The following PPARGC1A variants were observed in gnomAD, a reference collection of about 807,000 sequenced individuals.
PPARGC1A encodes peroxisome proliferator-activated receptor gamma coactivator 1-alpha.
Under a neutral mutation model 88.7 loss-of-function variants are expected in PPARGC1A, and 25 were observed. That is an observed-to-expected ratio of 0.28 (90% CI 0.21 to 0.39). The LOEUF (loss-of-function observed/expected upper bound fraction) is 0.39. Among genes scored for constraint, PPARGC1A ranks in the 10% least tolerant of loss-of-function variants. The probability of loss-of-function intolerance (pLI) is 1.00; values close to 1 mark genes in which losing one functional copy is unlikely to be tolerated. For missense variants in PPARGC1A, 880 were observed against 968.7 expected (o/e 0.91, Z 1.22); for synonymous variants, 363 against 355.6 (o/e 1.02, Z -0.24).
At chr4:24,157,037 C>T in the PPARGC1A span, among the ~76,000 whole-genome samples, 7 of 152,176 alleles carry the variant, frequency 4.6e-5, no homozygotes, top group African/African-American at 1.7e-4. Flanking sequence ...AAGGATACCA[C>T]ATAGAGGCTG....
Position 23,795,590 on chromosome 4 carries a change from G to T in PPARGC1A, c.*232C>A. The T allele has an allele frequency of 2.2e-6, 1 of 457,024 alleles. No homozygotes were observed. The highest frequency in any genetic ancestry group is 2.6e-5 in the South Asian group (1 of 39,104). 28.3% of individuals were successfully genotyped at this position (457,024 alleles called of 1,614,324 possible). A position where few individuals can be genotyped will look rare whatever the true frequency, so the allele number is the denominator to read the frequency against. ...AGCTGACACCCATGAATAAACATGT[G>T]CTTACTGGATATCATTCTGTCTCTT... On this transcript the variant is annotated 3_prime_UTR_variant, in exon 13 of 13. Coordinates refer to ENST00000264867, the MANE Select transcript of PPARGC1A (RefSeq NM_013261.5).
At chr4:23,904,505 A>G (rs987028977), upstream of PPARGC1A, among the ~76,000 whole-genome samples, 6 of 152,024 alleles carry the variant, frequency 3.9e-5, no homozygotes, top group African/African-American at 1.5e-4. Flanking sequence ...TATTGACATT[A>G]AAGAGAGTGT....
chr4:24,221,148 A>G, the PPARGC1A span, among the ~76,000 whole-genome samples: 7 of 152,242 alleles, frequency 4.6e-5, no homozygotes, highest in Non-Finnish European at 7.3e-5. Flanking sequence ...ACGGGGAGTC[A>G]CAGATTTGGG....
At chr4:24,092,368 T>A in the PPARGC1A span, among the ~76,000 whole-genome samples, 5 of 152,334 alleles carry the variant, frequency 3.3e-5, no homozygotes, top group East Asian at 9.7e-4. Context: ...TGATGCTGTC[T>A]CCTGATACTA....
the PPARGC1A span, among the ~76,000 whole-genome samples, chr4:24,049,582 A>G: frequency 6.6e-6 from 1 of 152,148 alleles, no homozygotes; most frequent in African/African-American, 2.4e-5. Flanking sequence ...TGTATTACAC[A>G]TGCTTTACTT....
the PPARGC1A span, among the ~76,000 whole-genome samples, chr4:24,196,521 G>A: frequency 6.6e-6 from 1 of 152,210 alleles, no homozygotes; most frequent in Non-Finnish European, 1.5e-5. Flanking sequence ...ACAAAGCAAA[G>A]CAAAGCAAAA....
At chr4:24,329,191 G>A in the PPARGC1A span, among the ~76,000 whole-genome samples, 20 of 151,970 alleles carry the variant, frequency 1.3e-4, no homozygotes, top group South Asian at 6.2e-4. Context: ...AATGGCAACC[G>A]GTGATTTATT....
the PPARGC1A span, among the ~76,000 whole-genome samples, chr4:24,205,821 G>A: frequency 6.6e-6 from 1 of 152,162 alleles, no homozygotes; most frequent in African/African-American, 2.4e-5. Context: ...GAATGTCTGT[G>A]ACTACAGTTA....
the PPARGC1A span, among the ~76,000 whole-genome samples, chr4:24,067,002 A>C: frequency 6.6e-6 from 1 of 152,122 alleles, no homozygotes; most frequent in Non-Finnish European, 1.5e-5. Context: ...AAGACATAGC[A>C]TATGCCCTGA....
the PPARGC1A span, among the ~76,000 whole-genome samples, chr4:24,075,070 C>G: frequency 1.3e-5 from 2 of 152,114 alleles, no homozygotes; most frequent in Admixed American, 1.3e-4. Context: ...CATGATGTCC[C>G]TAGGGGAGAA....
At chr4:24,052,928 A>G in the PPARGC1A span, among the ~76,000 whole-genome samples, 14 of 117,258 alleles carry the variant, frequency 1.2e-4, no homozygotes, top group African/African-American at 4.1e-4. Flanking sequence ...CAGTGGTGCT[A>G]TCTTGGCTCA....
chr4:24,225,906 A>C, the PPARGC1A span, among the ~76,000 whole-genome samples: 9 of 152,190 alleles, frequency 5.9e-5, no homozygotes, highest in African/African-American at 2.2e-4. Flanking sequence ...TGAGAAATTA[A>C]AACTGAGAAT....
At chr4:23,942,512 G>C in the PPARGC1A span, among the ~76,000 whole-genome samples, 2 of 151,974 alleles carry the variant, frequency 1.3e-5, no homozygotes, top group Admixed American at 1.3e-4. Flanking sequence ...AACAAGTCCC[G>C]ATCTTTGAAA....
the PPARGC1A span, among the ~76,000 whole-genome samples, chr4:24,001,629 C>T: frequency 6.6e-6 from 1 of 152,296 alleles, no homozygotes; most frequent in South Asian, 2.1e-4. Context: ...AAGCTCCTAT[C>T]ACTGATTTTT....
At chr4:24,237,179 G>A in the PPARGC1A span, among the ~76,000 whole-genome samples, 1 of 151,692 alleles carries the variant, frequency 6.6e-6, no homozygotes, top group African/African-American at 2.4e-5. Flanking sequence ...TTTTCTTGCA[G>A]TGGGAATCTC....
the PPARGC1A span, among the ~76,000 whole-genome samples, chr4:24,356,454 G>A: frequency 9.2e-5 from 14 of 152,172 alleles, no homozygotes; most frequent in Admixed American, 2.0e-4. Flanking sequence ...ATATACACCT[G>A]TAAGTAAATT....
chr4:24,017,898 A>G, the PPARGC1A span, among the ~76,000 whole-genome samples: 1 of 152,234 alleles, frequency 6.6e-6, no homozygotes, highest in African/African-American at 2.4e-5. Flanking sequence ...AAAGGATAAA[A>G]TATTCATAAA....
chr4:23,929,375 G>A, the PPARGC1A span, among the ~76,000 whole-genome samples: 1 of 152,156 alleles, frequency 6.6e-6, no homozygotes, highest in Non-Finnish European at 1.5e-5. Context: ...CATAATAGAT[G>A]TTCCATCAAC....
chr4:24,315,249 T>A, the PPARGC1A span, among the ~76,000 whole-genome samples: 2 of 152,084 alleles, frequency 1.3e-5, no homozygotes, highest in African/African-American at 4.8e-5. Flanking sequence ...GCCACTAGTG[T>A]CAGTAGAAAA....
Sources: allele counts gnomAD v4.1 joint callset (sites outside exome capture counted in the v4.1 genomes callset), GRCh38; gene constraint gnomAD v4.1.1; transcripts MANE v1.5; gene names NCBI Gene and HGNC (gene_info 2026-07-23, HGNC 2026-07-21).